Variants in CACNA2D1 observed in about 807,000 individuals in gnomAD.
CACNA2D1 encodes calcium voltage-gated channel auxiliary subunit alpha2delta 1, also known as voltage-dependent calcium channel subunit alpha-2/delta-1.
In CACNA2D1, 53 loss-of-function variants were observed where a neutral mutation model predicts 171.5. The ratio of observed to expected loss-of-function variants is 0.31; its 90% confidence interval spans 0.25 to 0.39. CACNA2D1 has a LOEUF of 0.39. Ranked by LOEUF, CACNA2D1 falls within the 10% of genes least tolerant of loss-of-function variation. The probability of loss-of-function intolerance (pLI) is 1.00; values close to 1 mark genes in which losing one functional copy is unlikely to be tolerated. For missense variants in CACNA2D1, 903 were observed against 1,299.8 expected (o/e 0.69, Z 4.69); for synonymous variants, 442 against 443.1 (o/e 1.00, Z 0.03).
At chr7:82,202,700 T>A (rs976659581) in intron 3 of CACNA2D1, among the ~76,000 whole-genome samples, 2 of 151,930 alleles carry the variant, frequency 1.3e-5, no homozygotes, top group African/African-American at 2.4e-5. Context: ...CTACAGAACT[T>A]GGAAAAGGTA....
At chr7:82,057,999 TCTAA>T (rs1357913467) in intron 10 of CACNA2D1, among the ~76,000 whole-genome samples, 3 of 152,160 alleles carry the variant, frequency 2.0e-5, no homozygotes, top group Non-Finnish European at 2.9e-5. Context: ...GGGCCAGGCT[TCTAA>T]CTACCAGCAC....
intron 3 of CACNA2D1, among the ~76,000 whole-genome samples, chr7:82,321,262 G>A (rs1292281897): frequency 6.6e-6 from 1 of 152,070 alleles, no homozygotes; most frequent in African/African-American, 2.4e-5. Context: ...AGCCCGGCAT[G>A]GTGGTGCGCG....
At chr7:81,971,659 A>G in intron 26 of CACNA2D1, 118 bp downstream of exon 26, 2 of 685,822 alleles carry the variant, frequency 2.9e-6, no homozygotes, top group South Asian at 3.4e-5. Flanking sequence ...GATTTTCTTG[A>G]GAAATATTAA....
At chr7:82,337,681 A>C (rs1818160509) in intron 2 of CACNA2D1, among the ~76,000 whole-genome samples, 1 of 152,220 alleles carries the variant, frequency 6.6e-6, no homozygotes, top group Non-Finnish European at 1.5e-5. Context: ...GGCACCAGAC[A>C]GAGTTACATT....
intron 3 of CACNA2D1, among the ~76,000 whole-genome samples, chr7:82,202,777 CAG>C (rs1471682083): frequency 6.6e-6 from 1 of 151,990 alleles, no homozygotes; most frequent in Admixed American, 6.6e-5. Context: ...AGGTCTGATA[CAG>C]AGGAGGCTGT....
intron 5 of CACNA2D1, among the ~76,000 whole-genome samples, chr7:82,117,610 C>A (rs1432809665): frequency 1.3e-5 from 2 of 152,134 alleles, no homozygotes; most frequent in Non-Finnish European, 2.9e-5. Context: ...ACACGGCAAA[C>A]CCTTGTCTCT....
intron 1 of CACNA2D1, among the ~76,000 whole-genome samples, chr7:82,381,313 CAA>C (rs11307965): frequency 1.1e-3 from 80 of 74,580 alleles, no homozygotes; most frequent in Admixed American, 1.6e-3. Flanking sequence ...GACTCTGTCT[CAA>C]AAAAAAAAAA....
At chr7:82,227,068 T>C (rs186207662) in intron 3 of CACNA2D1, among the ~76,000 whole-genome samples, 17 of 152,360 alleles carry the variant, frequency 1.1e-4, no homozygotes, top group African/African-American at 3.8e-4. Flanking sequence ...TACAGATTAG[T>C]ACAACTGAAA....
chr7:82,381,131 T>C (rs1823660547), intron 1 of CACNA2D1, among the ~76,000 whole-genome samples: 1 of 151,786 alleles, frequency 6.6e-6, no homozygotes, highest in African/African-American at 2.4e-5. Context: ...CTTAACACGG[T>C]GAAACCCCAT....
At chr7:82,008,116 A>G (rs1301463733) in intron 15 of CACNA2D1, among the ~76,000 whole-genome samples, 1 of 152,088 alleles carries the variant, frequency 6.6e-6, no homozygotes, top group Non-Finnish European at 1.5e-5. Flanking sequence ...GGGCCTCCAT[A>G]AGCAGAGTGA....
At chr7:82,103,452 A>T (rs1262730030) in intron 6 of CACNA2D1, among the ~76,000 whole-genome samples, 1 of 152,136 alleles carries the variant, frequency 6.6e-6, no homozygotes, top group Non-Finnish European at 1.5e-5. Flanking sequence ...GAATATTATA[A>T]CACTGTGGTT....
At chr7:82,284,427 G>T (rs182019508) in intron 3 of CACNA2D1, among the ~76,000 whole-genome samples, 11 of 152,184 alleles carry the variant, frequency 7.2e-5, no homozygotes, top group Non-Finnish European at 1.2e-4. Context: ...TGTTGTGAGG[G>T]TTAATACAGT....
rs577275693 is a variant in CACNA2D1 at position 82,289,707 on chromosome 7, A to G, written c.294+45428T>C. On this transcript the variant is annotated intron_variant, in intron 3 of 38. Transcript: ENST00000356860. Reference sequence around the variant, plus strand: ...AATACTTGGCTCTGAAACCTCACTCATCTTTGAGAAAACTCTAATATTTAC... The same window carrying G: ...AATACTTGGCTCTGAAACCTCACTCGTCTTTGAGAAAACTCTAATATTTAC... Among the ~76,000 whole-genome samples, 25 of 152,358 alleles carry G rather than the reference A, an allele frequency of 1.6e-4. No homozygotes were observed. The East Asian group carries it at 4.8e-3, about 29-fold the overall frequency.
At chr7:82,027,892 GA>G in intron 12 of CACNA2D1, 1 of 151,890 alleles carries the variant, frequency 6.6e-6, no homozygotes, top group South Asian at 2.0e-4. Flanking sequence ...GAGGTGTAAG[GA>G]AAAAAGGCAT....
chr7:81,971,885 C>CATAATTTT, intron 25 of CACNA2D1, 21 bp from the exon 26 acceptor site: 1 of 1,363,038 alleles, frequency 7.3e-7, no homozygotes, highest in Non-Finnish European at 1.0e-6. Flanking sequence ...AAAAGATCAT[C>CATAATTTT]AGTTACACTC....
chr7:82,443,116 G>C (rs900782303), intron 1 of CACNA2D1, among the ~76,000 whole-genome samples: 5 of 152,130 alleles, frequency 3.3e-5, no homozygotes, highest in Admixed American at 1.3e-4. Flanking sequence ...TCGTCGGCGG[G>C]CGCTTCCCGG....
chr7:82,016,880 G>T (rs1324471042), intron 12 of CACNA2D1, among the ~76,000 whole-genome samples: 1 of 144,882 alleles, frequency 6.9e-6, no homozygotes, highest in Non-Finnish European at 1.5e-5. Context: ...TCATTCCCAT[G>T]TCATCAATGT....
intron 18 of CACNA2D1, among the ~76,000 whole-genome samples, chr7:81,998,922 C>T (rs914542095): frequency 1.1e-4 from 17 of 152,090 alleles, no homozygotes; most frequent in Non-Finnish European, 8.8e-5. Context: ...AAGTTTACAA[C>T]ATTATTCAGA....
In CACNA2D1 at chr7:82,066,458, G is replaced by T; in HGVS notation, c.725C>A (p.Pro242Gln). ...ATGGCTAGCTAAAAATTCTTACCATGGTCTTCTGCGTACATCATAAAGGTC... is the reference window on the plus strand; with the variant it reads ...ATGGCTAGCTAAAAATTCTTACCATTGTCTTCTGCGTACATCATAAAGGTC... ...KIDLYDVRRR[P>Q]WYIQGAASPK... The change falls in exon 8 of 39, where the codon CCA (proline) becomes CAA (glutamine). Residue 242 changes from proline (P) to glutamine (Q), a missense_variant. Pro to Gln is a moderately conservative substitution (Grantham distance 76). This residue lies in a region of CACNA2D1 where 189 missense variants were observed against 266.8 expected (regional missense o/e 0.71). Transcript: ENST00000356860. 1 of 1,608,808 alleles carries T rather than the reference G, an allele frequency of 6.2e-7. No individual in the cohort carries two copies. Among genetic ancestry groups the T allele is most frequent in the South Asian group, 1.1e-5 (1 of 90,548 alleles).
Sources: allele counts gnomAD v4.1 joint callset (sites outside exome capture counted in the v4.1 genomes callset), GRCh38; gene constraint gnomAD v4.1.1; regional missense constraint gnomAD v4.1.1; transcripts MANE v1.5; gene names NCBI Gene and HGNC (gene_info 2026-07-23, HGNC 2026-07-21).